Variants in C3orf20 observed in about 807,000 individuals in gnomAD.
The protein encoded by C3orf20 is family with sequence similarity 149 member C, also known as uncharacterized protein C3orf20.
Under a neutral mutation model 88.3 loss-of-function variants are expected in C3orf20, and 76 were observed. That is an observed-to-expected ratio of 0.86 (90% confidence interval 0.72 to 1.04). The LOEUF (loss-of-function observed/expected upper bound fraction) is 1.04, where lower values mean the gene tolerates loss of function less well. C3orf20 is among the 50% of genes least tolerant of loss of function. The pLI, the probability that C3orf20 is intolerant of heterozygous loss-of-function variation, is 0.00. For synonymous variants in C3orf20, 436 were observed against 437.4 expected (o/e 1.00, Z 0.04); for missense variants, 1,056 against 1,123.3 (o/e 0.94, Z 0.86).
intron 1 of C3orf20, among the ~76,000 whole-genome samples, chr3:14,677,809 C>G (rs1351571664): frequency 6.6e-6 from 1 of 152,118 alleles, no homozygotes; most frequent in Non-Finnish European, 1.5e-5. Context: ...CCTGAACATC[C>G]TTTTTTGATC....
At chr3:14,700,461 G>GC (rs1268720562) in intron 5 of C3orf20, among the ~76,000 whole-genome samples, 2 of 152,258 alleles carry the variant, frequency 1.3e-5, no homozygotes, top group East Asian at 3.9e-4. Flanking sequence ...AAAAAACTTA[G>GC]CATATACAGG....
At chr3:14,689,502 G>A (rs2032607118) in intron 4 of C3orf20, among the ~76,000 whole-genome samples, 1 of 152,176 alleles carries the variant, frequency 6.6e-6, no homozygotes, top group Non-Finnish European at 1.5e-5. Context: ...CTAGCCATAA[G>A]GGTGCTACAT....
At chr3:14,758,471 A>G (rs1373255329) in intron 13 of C3orf20, among the ~76,000 whole-genome samples, 1 of 152,166 alleles carries the variant, frequency 6.6e-6, no homozygotes, top group Non-Finnish European at 1.5e-5. Flanking sequence ...GCATGCAGTC[A>G]TTCCCAGCAA....
chr3:14,750,555 A>C (rs1303863548), intron 12 of C3orf20, among the ~76,000 whole-genome samples: 1 of 18,364 alleles, frequency 5.4e-5, no homozygotes, highest in African/African-American at 3.2e-4. Context: ...ACCCTGTCTT[A>C]AAAAAAAAAA....
At position 14,761,609 on chromosome 3, in the gene C3orf20, A is replaced by G; in HGVS notation, c.2489A>G (p.Lys830Arg). The G allele has an allele frequency of 6.2e-7, 1 of 1,613,936 alleles. No homozygotes were observed. The highest frequency in any genetic ancestry group is 8.5e-7 in the Non-Finnish European group (1 of 1,179,956). ...KMGYFLPDDYKFSVPNSVLSL... is the reference protein window; with the variant it reads ...KMGYFLPDDYRFSVPNSVLSL... ...GGCTACTTCCTGCCGGATGACTACA[A>G]ATTCAGGTAAAACAGGAAACACGCA... The change falls in exon 15 of 17, where the codon AAA becomes AGA. Residue 830 changes from lysine to arginine, a missense_variant. Transcript: ENST00000253697.
intron 4 of C3orf20, among the ~76,000 whole-genome samples, chr3:14,688,569 A>G (rs951839261): frequency 4.0e-5 from 6 of 151,560 alleles, no homozygotes; most frequent in Admixed American, 6.6e-5. Flanking sequence ...AAGAAAAAGA[A>G]AAAAAGCTGT....
intron 9 of C3orf20, among the ~76,000 whole-genome samples, chr3:14,719,400 G>A (rs537798934): frequency 1.3e-5 from 2 of 152,218 alleles, no homozygotes; most frequent in Non-Finnish European, 2.9e-5. Flanking sequence ...GAACTCAATG[G>A]TGCACAGGCA....
intron 13 of C3orf20, among the ~76,000 whole-genome samples, chr3:14,759,090 C>CAGGAG (rs2035479781): frequency 6.6e-6 from 1 of 152,174 alleles, no homozygotes. Flanking sequence ...AGGGCGTGGC[C>CAGGAG]TGAGGCAGTT....
intron 12 of C3orf20, among the ~76,000 whole-genome samples, chr3:14,735,618 A>G (rs1284696719): frequency 6.7e-6 from 1 of 150,254 alleles, no homozygotes; most frequent in Non-Finnish European, 1.5e-5. Context: ...TTTTGAGGCG[A>G]AGTCTCTCTC....
intron 1 of C3orf20, among the ~76,000 whole-genome samples, chr3:14,678,749 C>A (rs1034665563): frequency 1.3e-5 from 2 of 152,150 alleles, no homozygotes; most frequent in Admixed American, 1.3e-4. Context: ...TGGCATGTAG[C>A]AGTGCTGGGC....
Position 14,698,572 on chromosome 3 carries a change from C to G in C3orf20, c.746-4558C>G, listed in dbSNP as rs79363332. On this transcript the variant is annotated intron_variant, in intron 5 of 16. Coordinates refer to ENST00000253697, the MANE Select transcript of C3orf20 (RefSeq NM_032137.5). ...CTTGGATAAGATCCAGGAGAACTCT[C>G]TAGATTATCAGGTAGAGACTCTTGT... Among the ~76,000 whole-genome samples, 578 of 152,328 alleles carry G rather than the reference C, an allele frequency of 3.8e-3. 4 individuals carry two copies. Among genetic ancestry groups the G allele is most frequent in the African/African-American group, 0.013 (551 of 41,582 alleles).
chr3:14,748,925 C>T (rs1052077591), intron 12 of C3orf20, among the ~76,000 whole-genome samples: 3 of 152,084 alleles, frequency 2.0e-5, no homozygotes, highest in African/African-American at 7.2e-5. Context: ...GTGTGTTTTG[C>T]GGTGCTTGGA....
intron 15 of C3orf20, among the ~76,000 whole-genome samples, chr3:14,765,847 G>C (rs1256781968): frequency 6.6e-6 from 1 of 152,244 alleles, no homozygotes; most frequent in Admixed American, 6.5e-5. Flanking sequence ...CCAGGAGCAG[G>C]AAGAGGAACC....
chr3:14,688,812 G>A (rs1178848689), intron 4 of C3orf20, among the ~76,000 whole-genome samples: 1 of 152,060 alleles, frequency 6.6e-6, no homozygotes, highest in Non-Finnish European at 1.5e-5. Context: ...TATATATTTA[G>A]AGTATTGCAA....
chr3:14,752,961 C>T (rs2035262313), intron 12 of C3orf20, among the ~76,000 whole-genome samples: 1 of 152,098 alleles, frequency 6.6e-6, no homozygotes, highest in Non-Finnish European at 1.5e-5. Flanking sequence ...CTAGAAATAC[C>T]ATTTGACCCA....
At chr3:14,741,286 C>T (rs1340293039) in intron 12 of C3orf20, among the ~76,000 whole-genome samples, 4 of 152,142 alleles carry the variant, frequency 2.6e-5, no homozygotes, top group Admixed American at 6.5e-5. Flanking sequence ...TCTTCTACCT[C>T]GGTGGGCCCT....
rs373683548 is a variant in C3orf20 at position 14,704,659 on chromosome 3, C to T, written c.1160+41C>T. 1.9e-4 allele frequency: 296 copies of T among 1,598,910 alleles called. 1 individual carries two copies. Among genetic ancestry groups the T allele is most frequent in the Non-Finnish European group, 2.3e-4 (272 of 1,176,206 alleles). On this transcript the variant is annotated intron_variant, in intron 7 of 16. Coordinates refer to ENST00000253697, the MANE Select transcript of C3orf20 (RefSeq NM_032137.5). The stretch of plus-strand genomic sequence containing the variant: ...GTACCACCCTATCTCCCCAGCTACT[C>T]AACCCCAGAGAAGTCCAGGACTTGA...
At chr3:14,719,125 G>GTTT (rs35504025) in intron 9 of C3orf20, among the ~76,000 whole-genome samples, 2 of 133,176 alleles carry the variant, frequency 1.5e-5, no homozygotes, top group Non-Finnish European at 1.6e-5. Flanking sequence ...TTGGGTCATT[G>GTTT]TTTTTTTTTT....
In C3orf20 at chr3:14,772,695, G is replaced by T; in HGVS notation, c.2631-96G>T. On this transcript the variant is annotated intron_variant, in intron 16 of 16. Transcript: ENST00000253697. This position sits in a 1 kb window ranked among gnomAD's most constrained non-coding sequence, Gnocchi z 4.2. ...ACCCAACAGCCTCACCTGTGCAAGG[G>T]AGAGGGCCTTGCCCCTCCTGGCCCA... The T allele has an allele frequency of 1.1e-6, 1 of 946,268 alleles. No individual in the cohort carries two copies. The highest frequency in any genetic ancestry group is 1.9e-5 in the Admixed American group (1 of 52,222). The allele number at this position is 946,268 out of a possible 1,614,324, so 58.6% of individuals were successfully genotyped here.
Sources: allele counts gnomAD v4.1 joint callset (sites outside exome capture counted in the v4.1 genomes callset), GRCh38; gene constraint gnomAD v4.1.1; non-coding constraint Gnocchi (gnomAD v3.1); transcripts MANE v1.5; gene names NCBI Gene and HGNC (gene_info 2026-07-23, HGNC 2026-07-21).